The following JHY variants were observed in gnomAD, a reference collection of about 807,000 sequenced individuals.
JHY encodes jhy protein homolog.
In JHY, 69 loss-of-function variants were observed where a neutral mutation model predicts 78.0. That is an observed-to-expected ratio of 0.88 (90% confidence interval 0.73 to 1.08). JHY has a LOEUF of 1.08. JHY is among the 50% of genes least tolerant of loss of function. JHY has a pLI of 0.00. For synonymous variants in JHY, 368 were observed against 342.6 expected, an observed-to-expected ratio of 1.07 and a Z score of -0.82; for missense variants, 944 against 927.8, an observed-to-expected ratio of 1.02 and a Z score of -0.23.
intron 2 of JHY, among the ~76,000 whole-genome samples, chr11:122,893,819 G>C (rs531373353): frequency 6.6e-6 from 1 of 152,260 alleles, no homozygotes; most frequent in African/African-American, 2.4e-5. Flanking sequence ...GATTATTAGA[G>C]CTGTTAGGGC....
chr11:122,922,809 C>CAAAAAAAAAAAAAAA (rs571482464), intron 3 of JHY, among the ~76,000 whole-genome samples: 17 of 44,364 alleles, frequency 3.8e-4, no homozygotes, highest in African/African-American at 6.8e-4. Flanking sequence ...GACTCCGTCT[C>CAAAAAAAAAAAAAAA]AAAAAAAAAA....
intron 4 of JHY, among the ~76,000 whole-genome samples, chr11:122,929,000 A>G (rs926104274): frequency 2.6e-5 from 4 of 151,296 alleles, no homozygotes; most frequent in Non-Finnish European, 5.9e-5. Context: ...GCTGGAGTGC[A>G]ATGGCACAAT....
At chr11:122,926,865 T>C (rs934276820) in intron 4 of JHY, among the ~76,000 whole-genome samples, 20 of 152,260 alleles carry the variant, frequency 1.3e-4, no homozygotes, top group Admixed American at 3.9e-4. Flanking sequence ...TCAAGGTCCA[T>C]CTCAGCTGCA....
chr11:122,924,871 A>G, intron 3 of JHY, 26 bp from the exon 4 acceptor site: 2 of 1,558,200 alleles, frequency 1.3e-6, no homozygotes, highest in South Asian at 1.1e-5. Flanking sequence ...TCCAGTTAAC[A>G]TGCTGTATGT....
chr11:122,952,899 T>A (rs1864118619), intron 6 of JHY, among the ~76,000 whole-genome samples: 1 of 152,200 alleles, frequency 6.6e-6, no homozygotes, highest in South Asian at 2.1e-4. Flanking sequence ...ACAGATGGCA[T>A]ACGTGAGAGA....
intron 2 of JHY, 26 bp downstream of exon 2, chr11:122,886,219 A>G (rs1223930853): frequency 1.3e-6 from 2 of 1,565,136 alleles, no homozygotes; most frequent in Non-Finnish European, 1.7e-6. Flanking sequence ...GTGTAAGATA[A>G]TAATGGGCTC....
At chr11:122,943,259 T>C (rs1199270066) in intron 5 of JHY, among the ~76,000 whole-genome samples, 1 of 152,244 alleles carries the variant, frequency 6.6e-6, no homozygotes, top group Non-Finnish European at 1.5e-5. Context: ...TCAAAACATA[T>C]AAAGTTATTT....
At chr11:122,949,072 A>C (rs1356176440) in intron 6 of JHY, among the ~76,000 whole-genome samples, 6 of 132,868 alleles carry the variant, frequency 4.5e-5, no homozygotes, top group African/African-American at 1.1e-4. Flanking sequence ...GGACAGAGTG[A>C]GACTCCATCT....
chr11:122,934,296 A>T (rs1001674451), intron 4 of JHY, 124 bp from the exon 5 acceptor site: 2 of 441,240 alleles, frequency 4.5e-6, no homozygotes, highest in Admixed American at 5.5e-5. Flanking sequence ...AGCCTGGGAG[A>T]CAGTGAGACT....
rs144111465 is a variant in JHY, at chr11:122,884,669, G to A, written c.-89-1092G>A. On this transcript the variant is annotated intron_variant, in intron 1 of 8. Coordinates refer to ENST00000227349, the MANE Select transcript of JHY (RefSeq NM_024806.4). ...AAGGGACTCCAGCTAACTCTTAGCT[G>A]TAATTCAGGCCAATCTCCCACCCAC... is the stretch of plus-strand genomic sequence containing the variant. Among the ~76,000 whole-genome samples, 11 of 152,304 alleles carry A rather than the reference G, an allele frequency of 7.2e-5. No individual in the cohort carries two copies. The East Asian group carries it at 2.1e-3, about 29-fold the overall frequency.
intron 3 of JHY, among the ~76,000 whole-genome samples, chr11:122,919,376 A>AAGG (rs60848354): frequency 7.3e-6 from 1 of 136,920 alleles, no homozygotes. Context: ...AAAAAAAAAA[A>AAGG]GAAGTGAAGG....
chr11:122,884,562 C>T (rs1454969666), intron 1 of JHY, among the ~76,000 whole-genome samples: 1 of 152,136 alleles, frequency 6.6e-6, no homozygotes, highest in African/African-American at 2.4e-5. Flanking sequence ...TACATGAACT[C>T]AAAGCACCCT....
In JHY at chr11:122,924,905, C is replaced by A; in HGVS notation, c.873C>A (p.Tyr291Ter). ...GTGTTTTACCTACCTAGATCTCCTA[C>A]CCCGTCAGAGTAACAGACAAGACGT... ...RGESHPEQIS[Y>*]PVRVTDKTSI... Residue 291 changes from tyrosine (Y) to a stop codon, truncating the protein, a stop_gained, in exon 4 of 9, where the codon TAC (tyrosine) becomes TAA (stop). Coordinates refer to ENST00000227349, the MANE Select transcript of JHY (RefSeq NM_024806.4). LOFTEE classifies it high-confidence loss of function. 6.2e-7 allele frequency: 1 copy of A among 1,612,918 alleles called. No individual in the cohort carries two copies. Among genetic ancestry groups the A allele is most frequent in the Non-Finnish European group, 8.5e-7 (1 of 1,179,006 alleles).
At chr11:122,939,434 C>A (rs1283634095) in intron 5 of JHY, among the ~76,000 whole-genome samples, 1 of 152,208 alleles carries the variant, frequency 6.6e-6, no homozygotes, top group Non-Finnish European at 1.5e-5. Flanking sequence ...CTGCTGCTAA[C>A]TTAGATTCCA....
intron 5 of JHY, among the ~76,000 whole-genome samples, chr11:122,936,123 GAA>G (rs1863750859): frequency 6.6e-6 from 1 of 152,174 alleles, no homozygotes; most frequent in South Asian, 2.1e-4. Context: ...ACAGGAAAAT[GAA>G]AGTTATTTTA....
intron 3 of JHY, among the ~76,000 whole-genome samples, chr11:122,918,479 T>C (rs916980080): frequency 2.0e-5 from 3 of 151,086 alleles, no homozygotes; most frequent in Non-Finnish European, 2.9e-5. Flanking sequence ...TGAGAAGATA[T>C]GGAGGAGGTG....
chr11:122,900,936 A>AT (rs767530992), intron 2 of JHY, among the ~76,000 whole-genome samples: 2 of 152,240 alleles, frequency 1.3e-5, no homozygotes, highest in Admixed American at 6.5e-5. Flanking sequence ...TCTGAAGCAA[A>AT]TGTTGTCTAG....
intron 2 of JHY, among the ~76,000 whole-genome samples, chr11:122,896,342 C>CAAAA (rs11370911): frequency 1.2e-4 from 9 of 73,382 alleles, no homozygotes; most frequent in African/African-American, 2.7e-4. Context: ...GACTCTGTCT[C>CAAAA]AAAAAAAAAA....
At chr11:122,914,212 T>C (rs1439360194) in intron 3 of JHY, among the ~76,000 whole-genome samples, 24 of 152,224 alleles carry the variant, frequency 1.6e-4, no homozygotes, top group Admixed American at 1.6e-3. Flanking sequence ...TATTATTGAA[T>C]GTTTGGTTTA....
Sources: allele counts gnomAD v4.1 joint callset (sites outside exome capture counted in the v4.1 genomes callset), GRCh38; gene constraint gnomAD v4.1.1; transcripts MANE v1.5; gene names NCBI Gene and HGNC (gene_info 2026-07-23, HGNC 2026-07-21).